ASB15: variants seen among roughly 807,000 people sequenced by gnomAD.
ASB15 encodes ankyrin repeat and SOCS box protein 15.
Under a neutral mutation model 58.0 loss-of-function variants are expected in ASB15, and 54 were observed. The ratio of observed to expected loss-of-function variants is 0.93; its 90% CI spans 0.75 to 1.17. The LOEUF is 1.17. ASB15 is among the 50% of genes most tolerant of loss of function. ASB15 has a pLI of 0.00. For missense variants in ASB15, 680 were observed against 707.4 expected (o/e 0.96, Z 0.44); for synonymous variants, 249 against 262.4 (o/e 0.95, Z 0.50).
chr7:123,635,579 A>G (rs1213124230), intron 11 of ASB15, among the ~76,000 whole-genome samples: 1 of 136,828 alleles, frequency 7.3e-6, no homozygotes, highest in Admixed American at 8.0e-5. Context: ...ATGGAAATTA[A>G]TTGCTTTTTT....
intron 1 of ASB15, among the ~76,000 whole-genome samples, chr7:123,594,693 TG>T (rs1799643375): frequency 6.6e-6 from 1 of 152,152 alleles, no homozygotes; most frequent in African/African-American, 2.4e-5. Context: ...ATGAGGTGTC[TG>T]TCAGCCCCTA....
intron 1 of ASB15, among the ~76,000 whole-genome samples, chr7:123,577,659 C>T (rs971142020): frequency 6.6e-6 from 1 of 152,072 alleles, no homozygotes; most frequent in Non-Finnish European, 1.5e-5. Flanking sequence ...ACATAGCAAA[C>T]ATGTTGAACA....
At chr7:123,635,562 C>CT (rs1802375744) in intron 11 of ASB15, among the ~76,000 whole-genome samples, 1 of 110,322 alleles carries the variant, frequency 9.1e-6, no homozygotes. Context: ...ATAGACTTTG[C>CT]TTTTAAATGG....
chr7:123,568,722 G>T (rs1419917712), intron 1 of ASB15, among the ~76,000 whole-genome samples: 2 of 151,904 alleles, frequency 1.3e-5, no homozygotes, highest in Non-Finnish European at 2.9e-5. Context: ...TATTTTGTGG[G>T]ATTAAAATAA....
rs137895029 is a variant in ASB15 at position 123,603,103 on chromosome 7, A to T, written c.-244-929A>T. 7.9e-4 allele frequency among the ~76,000 whole-genome samples: 121 copies of T among 152,324 alleles called. 1 individual carries two copies. The highest frequency in any genetic ancestry group is 2.7e-3 in the African/African-American group (113 of 41,584). ...AAACTCAATATAAAAATACTTATTA[A>T]AGACTTGCTATGCTATGTGCTTTAC... is the stretch of plus-strand genomic sequence containing the variant. On this transcript the variant is annotated intron_variant, in intron 1 of 11. Coordinates refer to ENST00000451215, the MANE Select transcript of ASB15 (RefSeq NM_001290258.2).
At chr7:123,627,739 A>C (rs955968082) in intron 9 of ASB15, among the ~76,000 whole-genome samples, 1 of 152,258 alleles carries the variant, frequency 6.6e-6, no homozygotes, top group African/African-American at 2.4e-5. Context: ...GAAAAGTTTC[A>C]TTATAAGTTT....
intron 9 of ASB15, 54 bp from the exon 10 acceptor site, chr7:123,628,810 T>C: frequency 8.0e-7 from 1 of 1,255,310 alleles, no homozygotes; most frequent in South Asian, 1.5e-5. Context: ...CGGTAGTTTA[T>C]TTAATTTCTT....
chr7:123,572,700 CTA>C (rs140701966), intron 1 of ASB15, among the ~76,000 whole-genome samples: 2,373 of 149,982 alleles, frequency 0.016, 20 homozygotes, highest in South Asian at 0.033. Context: ...TATATTCACT[CTA>C]TCTCTTTTTT....
At chr7:123,634,030 G>GA (rs952035322) in intron 11 of ASB15, among the ~76,000 whole-genome samples, 3 of 151,930 alleles carry the variant, frequency 2.0e-5, no homozygotes, top group African/African-American at 7.2e-5. Flanking sequence ...GTTTTTTTCT[G>GA]TTTTTTTTCC....
chr7:123,580,304 G>A (rs569294989), intron 1 of ASB15, among the ~76,000 whole-genome samples: 2 of 152,006 alleles, frequency 1.3e-5, no homozygotes, highest in Non-Finnish European at 2.9e-5. Flanking sequence ...CTGTTGCACT[G>A]CTTTTTACAT....
chr7:123,631,400 G>A lies in ASB15; in HGVS notation c.1594+1281G>A, dbSNP rs1368245835. Among the ~76,000 whole-genome samples the A allele has an allele frequency of 4.6e-5, 7 of 152,140 alleles. No homozygotes were observed. The East Asian group carries it at 1.3e-3, about 29-fold the overall frequency. ...TGTTTTTACTACATGGTAAGTTTATGTGAGGTATCTGAAATGTATATGTAC... is the reference window on the plus strand; with the variant it reads ...TGTTTTTACTACATGGTAAGTTTATATGAGGTATCTGAAATGTATATGTAC... On this transcript the variant is annotated intron_variant, in intron 11 of 11. Coordinates refer to ENST00000451215, the MANE Select transcript of ASB15 (RefSeq NM_001290258.2).
At chr7:123,599,097 A>T (rs2116396968), upstream of ASB15, among the ~76,000 whole-genome samples, 1 of 152,330 alleles carries the variant, frequency 6.6e-6, no homozygotes, top group Non-Finnish European at 1.5e-5. Flanking sequence ...CACTGACCCC[A>T]AGGCCAAAAT....
intron 8 of ASB15, among the ~76,000 whole-genome samples, chr7:123,626,472 C>CATAAATAA (rs550822805): frequency 3.9e-5 from 6 of 151,986 alleles, no homozygotes; most frequent in South Asian, 4.2e-4. Context: ...ATTCTGTCAA[C>CATAAATAA]ATAAATAAAT....
rs757297618 is a variant in ASB15, at chr7:123,630,135, T to G, written c.1594+16T>G. On this transcript the variant is annotated intron_variant, in intron 11 of 11. Coordinates refer to ENST00000451215, the MANE Select transcript of ASB15 (RefSeq NM_001290258.2). ...CAAATACTAGGTAAAAACCAAAAGT[T>G]TTGCCTACAATTTTTAAATTAAGAA... 6.5e-7 allele frequency: 1 copy of G among 1,543,960 alleles called. No individual in the cohort carries two copies. The highest frequency in any genetic ancestry group is 1.4e-5 in the African/African-American group (1 of 72,732).
chr7:123,584,137 A>G (rs1343684785), intron 1 of ASB15, among the ~76,000 whole-genome samples: 1 of 151,744 alleles, frequency 6.6e-6, no homozygotes, highest in East Asian at 1.9e-4. Context: ...CTAAACTTGG[A>G]CCATATTAAC....
At chr7:123,606,655 C>CT (rs1297594261) in intron 2 of ASB15, among the ~76,000 whole-genome samples, 6 of 152,190 alleles carry the variant, frequency 3.9e-5, no homozygotes, top group Admixed American at 6.5e-5. Flanking sequence ...ACATTCTACT[C>CT]TTTTTTCTAT....
Position 123,637,313 on chromosome 7 carries a change from T to A in ASB15, c.*332T>A. On this transcript the variant is annotated 3_prime_UTR_variant, in exon 12 of 12. Coordinates refer to ENST00000451215, the MANE Select transcript of ASB15 (RefSeq NM_001290258.2). Reference sequence around the variant, plus strand: ...TCTCAAACCCACATCTGCCAGTTGCTGGCCAGATTCTCCTGTCTTTCACGG... The same window carrying A: ...TCTCAAACCCACATCTGCCAGTTGCAGGCCAGATTCTCCTGTCTTTCACGG... The A allele has an allele frequency of 5.9e-6, 1 of 170,636 alleles. No individual in the cohort carries two copies. Among genetic ancestry groups the A allele is most frequent in the South Asian group, 1.4e-4 (1 of 7,108 alleles). The allele number at this position is 170,636 out of a possible 1,614,324, so 10.6% of individuals were successfully genotyped here.
At chr7:123,574,684 A>G (rs1260197662) in intron 1 of ASB15, among the ~76,000 whole-genome samples, 2 of 151,470 alleles carry the variant, frequency 1.3e-5, no homozygotes, top group Non-Finnish European at 2.9e-5. Context: ...CCATTTCTCC[A>G]TCTCTGTGGC....
intron 1 of ASB15, among the ~76,000 whole-genome samples, chr7:123,596,070 G>C (rs1006881246): frequency 1.3e-5 from 2 of 151,920 alleles, no homozygotes; most frequent in African/African-American, 4.8e-5. Flanking sequence ...TTTTTTCTCA[G>C]TACTTATACT....
Sources: gnomAD v4.1 joint callset for allele counts (sites outside exome capture counted in the v4.1 genomes callset) on GRCh38, gnomAD v4.1.1 for gene constraint, MANE v1.5 for transcripts, NCBI Gene and HGNC (gene_info 2026-07-23, HGNC 2026-07-21) for gene names.